The following TOMM20L variants were observed in gnomAD, a reference collection of about 807,000 sequenced individuals.
The protein encoded by TOMM20L is translocase of outer mitochondrial membrane 20 like.
TOMM20L carries 19 observed loss-of-function variants against 20.4 expected under a neutral mutation model. The observed-to-expected ratio is 0.93, with a 90% CI of 0.65 to 1.36. The LOEUF is 1.36. Ranked by LOEUF, TOMM20L falls within the 40% of genes most tolerant of loss-of-function variation. The pLI, the probability that TOMM20L is intolerant of heterozygous loss-of-function variation, is 0.00. For missense variants in TOMM20L, 218 were observed against 203.7 expected (o/e 1.07, Z -0.43); for synonymous variants, 75 against 79.6 (o/e 0.94, Z 0.30).
intron 3 of TOMM20L, among the ~76,000 whole-genome samples, chr14:58,406,666 A>G (rs1355833545): frequency 6.6e-6 from 1 of 152,220 alleles, no homozygotes; most frequent in Non-Finnish European, 1.5e-5. Flanking sequence ...CTGTTTCCTT[A>G]AAGTAAAACA....
At chr14:58,402,943 G>A (rs1679416065) in intron 3 of TOMM20L, among the ~76,000 whole-genome samples, 182 bp downstream of exon 3, 1 of 152,224 alleles carries the variant, frequency 6.6e-6, no homozygotes, top group African/African-American at 2.4e-5. Context: ...AGCATTTAGT[G>A]CTCAAGTCGT....
chr14:58,396,418 G>C (rs1247859013), intron 2 of TOMM20L, 77 bp downstream of exon 2: 2 of 1,545,458 alleles, frequency 1.3e-6, no homozygotes, highest in South Asian at 2.3e-5. Flanking sequence ...CTCCTGGCGG[G>C]CTCGGCAGCA....
Position 58,407,356 on chromosome 14 carries a change from G to T in TOMM20L, c.293G>T (p.Gly98Val). 6.2e-7 allele frequency: 1 copy of T among 1,610,668 alleles called. No individual in the cohort carries two copies. Among genetic ancestry groups the T allele is most frequent in the South Asian group, 1.1e-5 (1 of 90,696 alleles). The change falls in exon 4 of 5, where the codon GGC becomes GTC. Residue 98 changes from glycine (G) to valine (V), a missense_variant. Gly to Val is a moderately radical substitution (Grantham distance 109). Transcript: ENST00000360945. The part of the protein sequence containing the change: ...GEHRMGIQHL[G>V]NALLVCEQPR... ...CACAGAATGGGGATTCAACACCTCG[G>T]CAATGCCCTTTTAGTGTGCGAGCAA...
chr14:58,402,642 T>C (rs1183931565), intron 2 of TOMM20L, 38 bp from the exon 3 acceptor site: 5 of 1,505,834 alleles, frequency 3.3e-6, no homozygotes, highest in South Asian at 1.1e-5. Context: ...ATACCTTACC[T>C]TCATTACTCA....
Position 58,396,086 on chromosome 14 carries a change from GC to G in TOMM20L, c.130del (p.Arg44GlyfsTer59). Reference protein sequence around the residue: ...RGDPAFKRRLRDKRRAEPQKA... With the variant: ...RGDPAFKRRLXDKRRAEPQKA... ...GGGACCCCGCGTTCAAGCGCCGCCT[GC>G]GGGACAGTGAGTGGGACCGAGGCGG... On this transcript the variant is annotated frameshift_variant, in exon 1 of 5. Coordinates refer to ENST00000360945, the MANE Select transcript of TOMM20L (RefSeq NM_207377.3). LOFTEE classifies it high-confidence loss of function. 7.2e-7 allele frequency: 1 copy of G among 1,388,456 alleles called. No individual in the cohort carries two copies. The highest frequency in any genetic ancestry group is 9.4e-7 in the Non-Finnish European group (1 of 1,067,666). 86.0% of individuals were successfully genotyped at this position (1,388,456 alleles called of 1,614,324 possible).
chr14:58,398,177 T>C (rs2035950638), intron 2 of TOMM20L, among the ~76,000 whole-genome samples: 1 of 152,194 alleles, frequency 6.6e-6, no homozygotes. Context: ...CTCGTCATTG[T>C]CCATGGTTTC....
At chr14:58,404,863 G>A (rs949475654) in intron 3 of TOMM20L, among the ~76,000 whole-genome samples, 1 of 152,082 alleles carries the variant, frequency 6.6e-6, no homozygotes, top group African/African-American at 2.4e-5. Flanking sequence ...AAAATGTACA[G>A]TTAGAACTGA....
chr14:58,404,107 A>G lies in TOMM20L; in HGVS notation c.262+1346A>G, dbSNP rs1331773216. On this transcript the variant is annotated intron_variant, in intron 3 of 4. Coordinates refer to ENST00000360945, the MANE Select transcript of TOMM20L (RefSeq NM_207377.3). ...TATATATACATATATATGTATATATATATATATATATATTTTTTTTTTTTT... is the reference window on the plus strand; with the variant it reads ...TATATATACATATATATGTATATATGTATATATATATATTTTTTTTTTTTT... Among the ~76,000 whole-genome samples, 28 of 17,292 alleles carry G rather than the reference A, an allele frequency of 1.6e-3. 7 individuals carry two copies. The East Asian group carries it at 0.032, about 20-fold the overall frequency. The allele number at this position is 17,292 out of a possible 152,430, so 11.3% of individuals were successfully genotyped here.
rs1409508799 is a variant in TOMM20L, at chr14:58,396,477, GC to G, written c.180+137del. The G allele has an allele frequency of 6.0e-5, 53 of 888,588 alleles. No homozygotes were observed. The South Asian group carries it at 7.7e-4, about 13-fold the overall frequency. The allele number at this position is 888,588 out of a possible 1,614,324, so 55.0% of individuals were successfully genotyped here. A position where few individuals can be genotyped will look rare whatever the true frequency, so the allele number is the denominator to read the frequency against. Reference sequence around the variant, plus strand: ...CGTGCCCGGGAAGAGGCCTGCCCTCGCGCGCCACGCACCGCCTCAGGCCCAG... The same window carrying G: ...CGTGCCCGGGAAGAGGCCTGCCCTCGGCGCCACGCACCGCCTCAGGCCCAG... On this transcript the variant is annotated intron_variant, in intron 2 of 4. Coordinates refer to ENST00000360945, the MANE Select transcript of TOMM20L (RefSeq NM_207377.3).
intron 3 of TOMM20L, among the ~76,000 whole-genome samples, chr14:58,406,016 G>A (rs1200846666): frequency 1.3e-5 from 2 of 152,084 alleles, no homozygotes; most frequent in Non-Finnish European, 2.9e-5. Context: ...TCTATCCAAT[G>A]TGGCAATTTT....
chr14:58,401,258 A>G (rs2035989110), intron 2 of TOMM20L, among the ~76,000 whole-genome samples: 1 of 152,132 alleles, frequency 6.6e-6, no homozygotes, highest in African/African-American at 2.4e-5. Context: ...TTATTAGTAT[A>G]TTTGATAATA....
At chr14:58,404,136 T>A (rs1284206310) in intron 3 of TOMM20L, among the ~76,000 whole-genome samples, 4 of 10,854 alleles carry the variant, frequency 3.7e-4, no homozygotes, top group African/African-American at 7.0e-4. Flanking sequence ...TTTTTTTTTT[T>A]TTTTTTTTTT....
chr14:58,412,636 C>G (rs989167909), downstream of TOMM20L, among the ~76,000 whole-genome samples: 1 of 152,130 alleles, frequency 6.6e-6, no homozygotes, highest in Non-Finnish European at 1.5e-5. Context: ...TGTGGTGGCT[C>G]ATGCCTGTAA....
At chr14:58,396,276 A>G in intron 1 of TOMM20L, 22 bp from the exon 2 acceptor site, 1 of 1,612,642 alleles carries the variant, frequency 6.2e-7, no homozygotes, top group Non-Finnish European at 8.5e-7. Context: ...CCCAGCCAGC[A>G]TGTGCCGTGT....
chr14:58,400,802 C>T (rs995522676), intron 2 of TOMM20L, among the ~76,000 whole-genome samples: 7 of 151,482 alleles, frequency 4.6e-5, no homozygotes, highest in South Asian at 4.2e-4. Context: ...CACTTGAACC[C>T]GAGAGGCAGA....
At position 58,407,376 on chromosome 14, in the gene TOMM20L, G is replaced by A. The variant is rs141434824; in HGVS notation, c.313G>A (p.Glu105Lys). Residue 105 changes from glutamate to lysine, a missense_variant, in exon 4 of 5, where the codon GAG (glutamate) becomes AAG (lysine). Glu to Lys is a moderately conservative substitution (Grantham distance 56). Transcript: ENST00000360945. ...CCTCGGCAATGCCCTTTTAGTGTGC[G>A]AGCAACCACGGGAACTTCTGAAAGT... is the stretch of plus-strand genomic sequence containing the variant. ...QHLGNALLVC[E>K]QPRELLKVFK... 362 of 1,613,640 alleles carry A rather than the reference G, an allele frequency of 2.2e-4. 1 individual carries two copies. Among genetic ancestry groups the A allele is most frequent in the South Asian group, 1.3e-3 (115 of 91,040 alleles).
chr14:58,415,823 G>T, the TOMM20L span, among the ~76,000 whole-genome samples: 9 of 152,174 alleles, frequency 5.9e-5, no homozygotes, highest in South Asian at 1.9e-3. Context: ...CCCAAGTTTG[G>T]CAAAAGACAT....
intron 2 of TOMM20L, among the ~76,000 whole-genome samples, chr14:58,399,632 A>C (rs930169998): frequency 2.0e-5 from 3 of 151,174 alleles, no homozygotes; most frequent in East Asian, 3.9e-4. Context: ...CAAATGTACT[A>C]CTCTAGACCT....
chr14:58,403,688 C>T (rs903670746), intron 3 of TOMM20L, among the ~76,000 whole-genome samples: 2 of 151,456 alleles, frequency 1.3e-5, no homozygotes, highest in African/African-American at 2.4e-5. Flanking sequence ...AATACAAAAA[C>T]TTAGCCGGGC....
Sources: allele counts gnomAD v4.1 joint callset (sites outside exome capture counted in the v4.1 genomes callset), GRCh38; gene constraint gnomAD v4.1.1; transcripts MANE v1.5; gene names NCBI Gene and HGNC (gene_info 2026-07-23, HGNC 2026-07-21).